GRIN2B: variants seen among roughly 807,000 people sequenced by gnomAD.
The protein encoded by GRIN2B is glutamate receptor ionotropic, NMDA 2B.
In GRIN2B, 5 loss-of-function variants were observed where a neutral mutation model predicts 114.5. That is an observed-to-expected ratio of 0.04 (90% CI 0.02 to 0.09). The LOEUF (loss-of-function observed/expected upper bound fraction) is 0.09, where lower values mean the gene tolerates loss of function less well. Among genes scored for constraint, GRIN2B ranks in the 10% least tolerant of loss-of-function variants. The pLI is 1.00. For synonymous variants in GRIN2B, 787 were observed against 745.1 expected (o/e 1.06, Z -0.92); for missense variants, 1,108 against 1,943.5 (o/e 0.57, Z 8.08).
chr12:13,732,517 G>C (rs747267113), intron 4 of GRIN2B, among the ~76,000 whole-genome samples: 3 of 152,152 alleles, frequency 2.0e-5, no homozygotes, highest in Non-Finnish European at 4.4e-5. Context: ...GATGTATCAA[G>C]GCTGTAACTT....
At chr12:13,972,445 C>T (rs975224847) in intron 2 of GRIN2B, among the ~76,000 whole-genome samples, 1 of 148,308 alleles carries the variant, frequency 6.7e-6, no homozygotes, top group South Asian at 2.1e-4. Flanking sequence ...AAGACCACCA[C>T]CTCTTTCATT....
chr12:13,755,752 G>A (rs745837302), intron 3 of GRIN2B, among the ~76,000 whole-genome samples: 6 of 152,320 alleles, frequency 3.9e-5, no homozygotes, highest in Middle Eastern at 3.4e-3. Context: ...TGGTCGGAAT[G>A]TTTGCATCCT....
At chr12:13,838,818 G>C (rs1865327661) in intron 3 of GRIN2B, among the ~76,000 whole-genome samples, 2 of 152,156 alleles carry the variant, frequency 1.3e-5, no homozygotes, top group South Asian at 4.1e-4. Context: ...GTGTGTAGAG[G>C]AAACTACCAG....
chr12:13,591,196 G>A (rs1591626239), intron 10 of GRIN2B, among the ~76,000 whole-genome samples: 1 of 152,126 alleles, frequency 6.6e-6, no homozygotes, highest in Admixed American at 6.5e-5. Flanking sequence ...AAATCTCACT[G>A]AAACAAGTGA....
chr12:13,827,546 A>G (rs776518227), intron 3 of GRIN2B, among the ~76,000 whole-genome samples: 44 of 151,862 alleles, frequency 2.9e-4, no homozygotes, highest in Non-Finnish European at 5.4e-4. Flanking sequence ...TCTACCATTA[A>G]TCTCATCCAG....
In GRIN2B at chr12:13,825,496, T is replaced by TTTTTTTTTTTG. The variant is rs375940899; in HGVS notation, c.411+40301_411+40302insCAAAAAAAAAA. On this transcript the variant is annotated intron_variant, in intron 3 of 13. Transcript: ENST00000609686. ...TATATATAATAAATATATATATATT[T>TTTTTTTTTTTG]TGTGTGTGTGTGTGTGTGTGTGTGT... Among the ~76,000 whole-genome samples the TTTTTTTTTTTG allele has an allele frequency of 1.9e-3, 228 of 122,968 alleles. 1 individual carries two copies. The highest frequency in any genetic ancestry group is 8.8e-3 in the Middle Eastern group (2 of 228). 80.7% of individuals were successfully genotyped at this position (122,968 alleles called of 152,430 possible). A position where few individuals can be genotyped will look rare whatever the true frequency, so the allele number is the denominator to read the frequency against.
At chr12:13,567,410 AAG>A in intron 12 of GRIN2B, 147 bp from the exon 13 acceptor site, 1 of 654,476 alleles carries the variant, frequency 1.5e-6, no homozygotes, top group East Asian at 2.7e-5. Context: ...GAAATGAATA[AAG>A]TTAACAGTAA....
intron 4 of GRIN2B, among the ~76,000 whole-genome samples, chr12:13,681,846 GTTA>G (rs1405365817): frequency 1.3e-5 from 2 of 152,042 alleles, no homozygotes; most frequent in Non-Finnish European, 2.9e-5. Flanking sequence ...CTATAATTCT[GTTA>G]TTATTAGCTG....
At chr12:13,667,183 G>C (rs1949984618) in intron 5 of GRIN2B, among the ~76,000 whole-genome samples, 1 of 152,076 alleles carries the variant, frequency 6.6e-6, no homozygotes, top group African/African-American at 2.4e-5. Flanking sequence ...AGACAGACAT[G>C]GAACACATGG....
intron 2 of GRIN2B, among the ~76,000 whole-genome samples, chr12:13,881,598 G>T (rs1057392610): frequency 6.6e-6 from 1 of 152,094 alleles, no homozygotes; most frequent in African/African-American, 2.4e-5. Flanking sequence ...CAAGCTCTTC[G>T]CATGCCCTTG....
At chr12:13,935,760 C>G (rs1020152538) in intron 2 of GRIN2B, among the ~76,000 whole-genome samples, 1 of 152,150 alleles carries the variant, frequency 6.6e-6, no homozygotes, top group African/African-American at 2.4e-5. Context: ...TAAGTGGAAG[C>G]CTTCTGCTTT....
intron 10 of GRIN2B, among the ~76,000 whole-genome samples, chr12:13,579,051 T>C (rs1948811824): frequency 6.6e-6 from 1 of 152,070 alleles, no homozygotes; most frequent in African/African-American, 2.4e-5. Flanking sequence ...CTCGATGGTG[T>C]CCCAGAGCCT....
intron 5 of GRIN2B, among the ~76,000 whole-genome samples, chr12:13,646,574 T>TA (rs1382863603): frequency 1.3e-5 from 2 of 152,174 alleles, no homozygotes; most frequent in African/African-American, 2.4e-5. Context: ...GCAAAGGTGA[T>TA]ATAATGTCAC....
chr12:13,615,092 C>T lies in GRIN2B; in HGVS notation c.1654+22G>A, dbSNP rs777458896. On this transcript the variant is annotated intron_variant, in intron 8 of 13. Transcript: ENST00000609686. This position sits in a 1 kb window ranked among gnomAD's most constrained non-coding sequence, Gnocchi z 5.8. ...CCCCATCCATACGTCCATTTCCTTCCACCAGCAAACCCATCATTTACCTAA... is the reference window on the plus strand; with the variant it reads ...CCCCATCCATACGTCCATTTCCTTCTACCAGCAAACCCATCATTTACCTAA... The T allele has an allele frequency of 4.4e-6, 7 of 1,603,040 alleles. No individual in the cohort carries two copies. In the Admixed American group the frequency reaches 1.2e-4, roughly 27 times the overall value.
chr12:13,625,224 C>T (rs1397711097), intron 5 of GRIN2B, among the ~76,000 whole-genome samples: 1 of 152,168 alleles, frequency 6.6e-6, no homozygotes, highest in East Asian at 1.9e-4. Flanking sequence ...TCTAGCAGCT[C>T]ATATTTTTTT....
chr12:13,954,100 G>A (rs370268816), intron 2 of GRIN2B, among the ~76,000 whole-genome samples: 3 of 152,128 alleles, frequency 2.0e-5, no homozygotes, highest in East Asian at 1.9e-4. Flanking sequence ...TTAGCCCATC[G>A]GCCTTAGTGT....
chr12:13,538,828 A>G lies in GRIN2B; in HGVS notation c.*23955T>C, dbSNP rs1043108458. 6.9e-6 allele frequency: 1 copy of G among 145,976 alleles called. No individual in the cohort carries two copies. The highest frequency in any genetic ancestry group is 1.5e-5 in the Non-Finnish European group (1 of 66,296). The allele number at this position is 145,976 out of a possible 1,614,324, so 9.0% of individuals were successfully genotyped here. On this transcript the variant is annotated 3_prime_UTR_variant, in exon 14 of 14. Transcript: ENST00000609686. ...AGACCCTCTTAAAAAACAAACAAACAAAAAAAAAACAAACAAAAAAACAAA... is the reference window on the plus strand; with the variant it reads ...AGACCCTCTTAAAAAACAAACAAACGAAAAAAAAACAAACAAAAAAACAAA...
chr12:13,623,892 C>A (rs895095048), intron 5 of GRIN2B, among the ~76,000 whole-genome samples: 7 of 152,296 alleles, frequency 4.6e-5, no homozygotes, highest in Admixed American at 3.9e-4. Flanking sequence ...TATTAGTATA[C>A]TTTTGCATGT....
At chr12:13,631,726 T>C (rs1949617003) in intron 5 of GRIN2B, among the ~76,000 whole-genome samples, 1 of 152,208 alleles carries the variant, frequency 6.6e-6, no homozygotes, top group Admixed American at 6.5e-5. Context: ...CCTGGGCTGC[T>C]TGCACAGTGC....
Sources: gnomAD v4.1 joint callset for allele counts (sites outside exome capture counted in the v4.1 genomes callset) on GRCh38, gnomAD v4.1.1 for gene constraint, Gnocchi (gnomAD v3.1) non-coding constraint, MANE v1.5 for transcripts, NCBI Gene and HGNC (gene_info 2026-07-23, HGNC 2026-07-21) for gene names.